NGEF: variants seen among roughly 807,000 people sequenced by gnomAD.
The protein encoded by NGEF is neuronal guanine nucleotide exchange factor, also known as ephexin-1.
A neutral mutation model predicts 80.9 loss-of-function variants in NGEF; 31 were observed. The ratio of observed to expected loss-of-function variants is 0.38; its 90% confidence interval spans 0.29 to 0.52. The LOEUF is 0.52. Ranked by LOEUF, NGEF falls within the 20% of genes least tolerant of loss-of-function variation. The pLI is 0.84. For synonymous variants in NGEF, 371 were observed against 370.2 expected, an observed-to-expected ratio of 1.00 and a Z score of -0.03; for missense variants, 709 against 926.2, an observed-to-expected ratio of 0.77 and a Z score of 3.04.
intron 3 of NGEF, chr2:232,928,297 G>C: frequency 2.0e-6 from 1 of 507,240 alleles, no homozygotes; most frequent in Non-Finnish European, 2.5e-6. Flanking sequence ...CGCGAGCGCC[G>C]ACTGCGGGCT....
chr2:232,967,401 C>A (rs1694083600), intron 3 of NGEF, among the ~76,000 whole-genome samples: 1 of 152,116 alleles, frequency 6.6e-6, no homozygotes, highest in Non-Finnish European at 1.5e-5. Flanking sequence ...GTGGCATGAT[C>A]TCAGCTCACT....
intron 3 of NGEF, chr2:232,927,820 G>T: frequency 9.7e-7 from 1 of 1,025,670 alleles, no homozygotes; most frequent in Non-Finnish European, 1.2e-6. Context: ...GGGTGCCCGG[G>T]ACCCCGGGCG....
chr2:232,969,245 C>G (rs924199111), intron 3 of NGEF, among the ~76,000 whole-genome samples: 3 of 150,528 alleles, frequency 2.0e-5, no homozygotes, highest in African/African-American at 7.4e-5. Context: ...AGCACATTTG[C>G]AACATAATAA....
intron 3 of NGEF, among the ~76,000 whole-genome samples, chr2:232,944,726 A>AATATATATATATATATATATATAT (rs57851903): frequency 1.8e-4 from 20 of 108,724 alleles, no homozygotes; most frequent in East Asian, 1.1e-3. Flanking sequence ...GACTTTTCCG[A>AATATATATATATATATATATATAT]ATATATATAT....
At chr2:232,997,446 C>G (rs1396397275) in intron 1 of NGEF, among the ~76,000 whole-genome samples, 3 of 152,062 alleles carry the variant, frequency 2.0e-5, no homozygotes, top group African/African-American at 7.2e-5. Context: ...GTGAAACTGT[C>G]AAAGTGAAGT....
At chr2:232,993,106 A>AAT (rs202123892) in intron 1 of NGEF, among the ~76,000 whole-genome samples, 101 of 100,400 alleles carry the variant, frequency 1.0e-3, no homozygotes, top group African/African-American at 3.6e-3. Context: ...TAAATAAATA[A>AAT]ATATATATAT....
intron 9 of NGEF, among the ~76,000 whole-genome samples, chr2:232,886,216 G>A (rs1309855726): frequency 2.0e-5 from 3 of 151,998 alleles, no homozygotes; most frequent in Admixed American, 6.6e-5. Flanking sequence ...TGCATACTGT[G>A]TGTGATAAGT....
intron 9 of NGEF, among the ~76,000 whole-genome samples, chr2:232,887,656 G>A (rs1370740385): frequency 2.0e-5 from 3 of 152,186 alleles, no homozygotes; most frequent in Non-Finnish European, 4.4e-5. Context: ...GTGGGCCCCA[G>A]ATGCCTGCAA....
At chr2:232,906,345 GGGGGGGGTC>G (rs1692536289) in intron 5 of NGEF, among the ~76,000 whole-genome samples, 1 of 4,406 alleles carries the variant, frequency 2.3e-4, no homozygotes, top group Non-Finnish European at 3.9e-4. Context: ...GGAGGGAGGT[GGGGGGGGTC>G]AGCCCCCCGC....
intron 3 of NGEF, chr2:232,928,097 C>A: frequency 9.3e-7 from 1 of 1,075,248 alleles, no homozygotes; most frequent in Non-Finnish European, 1.1e-6. Context: ...AGCGGGGTCG[C>A]AGCGCGCGCG....
intron 9 of NGEF, among the ~76,000 whole-genome samples, chr2:232,887,374 G>C (rs531962661): frequency 7.9e-5 from 12 of 152,352 alleles, no homozygotes; most frequent in Middle Eastern, 3.4e-3. Flanking sequence ...GTCTCTCTCT[G>C]AGGGTCAGGA....
At chr2:232,880,063 G>C (rs578174615) in intron 14 of NGEF, among the ~76,000 whole-genome samples, 1 of 151,806 alleles carries the variant, frequency 6.6e-6, no homozygotes, top group Non-Finnish European at 1.5e-5. Flanking sequence ...GTTAGCTGGC[G>C]TGGACTGTGT....
intron 1 of NGEF, among the ~76,000 whole-genome samples, chr2:232,984,513 G>A (rs967635631): frequency 6.6e-6 from 1 of 152,230 alleles, no homozygotes; most frequent in Non-Finnish European, 1.5e-5. Flanking sequence ...TATAACCTGT[G>A]ATGTGAAGAC....
chr2:232,995,944 G>T (rs912581738), intron 1 of NGEF, among the ~76,000 whole-genome samples: 160 of 151,282 alleles, frequency 1.1e-3, no homozygotes, highest in Non-Finnish European at 6.0e-4. Flanking sequence ...TCCAAAAGAG[G>T]ACAAAAGAAA....
At chr2:232,900,684 ACT>A (rs1375121258) in intron 5 of NGEF, among the ~76,000 whole-genome samples, 1 of 145,052 alleles carries the variant, frequency 6.9e-6, no homozygotes, top group Non-Finnish European at 1.5e-5. Flanking sequence ...GCTCTCAGTC[ACT>A]CATATACACG....
At chr2:232,962,073 CT>C (rs1171251973) in intron 3 of NGEF, among the ~76,000 whole-genome samples, 2 of 152,232 alleles carry the variant, frequency 1.3e-5, no homozygotes, top group African/African-American at 4.8e-5. Context: ...CAATATCCCT[CT>C]TTTACTTGAG....
chr2:232,893,214 G>A (rs540271200), intron 6 of NGEF, among the ~76,000 whole-genome samples, 164 bp from the exon 7 acceptor site: 2 of 152,330 alleles, frequency 1.3e-5, no homozygotes, highest in East Asian at 3.9e-4. Flanking sequence ...GAGCACTGGT[G>A]GTGTATTTGG....
rs13016252 is a variant in NGEF at position 232,900,324 on chromosome 2, T to A, written c.829-5408A>T. ...CATATACACGTTCACTCACATTCAC[T>A]CACACACGCTCTCACAGTCACTCAT... On this transcript the variant is annotated intron_variant, in intron 5 of 14. Transcript: ENST00000264051. Among the ~76,000 whole-genome samples, 39 of 19,488 alleles carry A rather than the reference T, an allele frequency of 2.0e-3. 6 individuals carry two copies. Among genetic ancestry groups the A allele is most frequent in the African/African-American group, 7.4e-3 (31 of 4,178 alleles). The allele number at this position is 19,488 out of a possible 152,430, so 12.8% of individuals were successfully genotyped here. A position where few individuals can be genotyped will look rare whatever the true frequency, so the allele number is the denominator to read the frequency against.
chr2:232,970,648 C>T (rs1028813158), intron 2 of NGEF, among the ~76,000 whole-genome samples: 8 of 152,116 alleles, frequency 5.3e-5, no homozygotes, highest in Admixed American at 5.2e-4. Context: ...AACCCCGTCT[C>T]TACTAAAAAT....
Sources: gnomAD v4.1 joint callset for allele counts (sites outside exome capture counted in the v4.1 genomes callset) on GRCh38, gnomAD v4.1.1 for gene constraint, MANE v1.5 for transcripts, NCBI Gene and HGNC (gene_info 2026-07-23, HGNC 2026-07-21) for gene names.